ADGRL3: variants seen among roughly 807,000 people sequenced by gnomAD.
The protein encoded by ADGRL3 is adhesion G protein-coupled receptor L3.
ADGRL3 carries 62 observed loss-of-function variants against 153.5 expected under a neutral mutation model. That is an observed-to-expected ratio of 0.40 (90% CI 0.33 to 0.50). The LOEUF is 0.50. Among genes scored for constraint, ADGRL3 ranks in the 20% least tolerant of loss-of-function variants. The probability of loss-of-function intolerance (pLI) is 0.47; values close to 1 mark genes in which losing one functional copy is unlikely to be tolerated. For missense variants in ADGRL3, 1,641 were observed against 1,859.4 expected (o/e 0.88, Z 2.16); for synonymous variants, 710 against 672.5 (o/e 1.06, Z -0.86).
chr4:61,709,367 A>G (rs1368672578), intron 6 of ADGRL3, among the ~76,000 whole-genome samples: 1 of 152,194 alleles, frequency 6.6e-6, no homozygotes, highest in Non-Finnish European at 1.5e-5. Context: ...TAGCAAAATT[A>G]TGAAATCTGT....
chr4:61,301,573 C>T (rs916461431), intron 1 of ADGRL3, among the ~76,000 whole-genome samples: 20 of 152,134 alleles, frequency 1.3e-4, no homozygotes, highest in African/African-American at 4.6e-4. Flanking sequence ...TGAGCAGCTG[C>T]CAATCTTGTG....
At chr4:61,390,325 TC>T (rs1232115950) in intron 2 of ADGRL3, among the ~76,000 whole-genome samples, 1 of 152,128 alleles carries the variant, frequency 6.6e-6, no homozygotes, top group Non-Finnish European at 1.5e-5. Flanking sequence ...TCTTAAAGTG[TC>T]CACAGCTGTG....
chr4:61,297,194 G>T (rs2094438220), intron 1 of ADGRL3, among the ~76,000 whole-genome samples: 1 of 152,084 alleles, frequency 6.6e-6, no homozygotes, highest in Non-Finnish European at 1.5e-5. Flanking sequence ...TTTACAACTG[G>T]TCTGTTTTTA....
intron 2 of ADGRL3, among the ~76,000 whole-genome samples, chr4:61,485,959 C>G (rs335290): frequency 6.6e-6 from 1 of 151,500 alleles, no homozygotes; most frequent in Non-Finnish European, 1.5e-5. Context: ...TTTTTTGTTT[C>G]CTTTGATGGA....
At chr4:61,577,372 A>T (rs1385450900) in intron 4 of ADGRL3, among the ~76,000 whole-genome samples, 15 of 152,096 alleles carry the variant, frequency 9.9e-5, no homozygotes, top group Admixed American at 9.8e-4. Context: ...ACCTCCATTC[A>T]TTCAAAACTT....
chr4:61,970,887 C>G (rs1404813536), intron 17 of ADGRL3, among the ~76,000 whole-genome samples: 3 of 152,098 alleles, frequency 2.0e-5, no homozygotes, highest in Admixed American at 2.0e-4. Flanking sequence ...GTCTGATGAC[C>G]TGGTTCTCAA....
At chr4:61,910,583 G>A (rs958656872) in intron 12 of ADGRL3, among the ~76,000 whole-genome samples, 1 of 151,614 alleles carries the variant, frequency 6.6e-6, no homozygotes, top group African/African-American at 2.4e-5. Flanking sequence ...AATGACATGG[G>A]TTCCCTGACT....
At chr4:62,054,260 A>C (rs1735825137) in intron 25 of ADGRL3, among the ~76,000 whole-genome samples, 2 of 151,702 alleles carry the variant, frequency 1.3e-5, no homozygotes, top group Non-Finnish European at 3.0e-5. Flanking sequence ...AAGAACACAG[A>C]AATACATGGC....
At chr4:61,757,848 A>G (rs2096856635) in intron 8 of ADGRL3, among the ~76,000 whole-genome samples, 1 of 152,186 alleles carries the variant, frequency 6.6e-6, no homozygotes, top group Non-Finnish European at 1.5e-5. Flanking sequence ...TTCAAAGAAC[A>G]TCTTTATTTC....
intron 2 of ADGRL3, among the ~76,000 whole-genome samples, chr4:61,480,423 G>C (rs1180250853): frequency 6.6e-6 from 1 of 151,948 alleles, no homozygotes; most frequent in Non-Finnish European, 1.5e-5. Context: ...TTCTATATCA[G>C]TTTGTTAATA....
At chr4:61,997,673 T>G (rs906536798) in intron 20 of ADGRL3, among the ~76,000 whole-genome samples, 9 of 152,174 alleles carry the variant, frequency 5.9e-5, no homozygotes, top group Admixed American at 3.9e-4. Flanking sequence ...TTTCCTTTAC[T>G]TTAGTCCTCA....
chr4:61,517,251 G>A, intron 3 of ADGRL3, 64 bp from the exon 4 acceptor site: 1 of 687,678 alleles, frequency 1.5e-6, no homozygotes, highest in South Asian at 1.5e-5. Flanking sequence ...GCCTCTACCA[G>A]GGCTCCCCTG....
chr4:61,805,480 G>C (rs977483834), intron 8 of ADGRL3, among the ~76,000 whole-genome samples: 11 of 152,092 alleles, frequency 7.2e-5, no homozygotes, highest in African/African-American at 2.7e-4. Flanking sequence ...TTTTACTCTT[G>C]TTGTTAGCTT....
intron 2 of ADGRL3, among the ~76,000 whole-genome samples, chr4:61,419,800 T>C (rs575329739): frequency 8.6e-5 from 13 of 151,948 alleles, no homozygotes; most frequent in Non-Finnish European, 1.6e-4. Context: ...ATTTAGATTT[T>C]TTTTTTTTTT....
At chr4:61,459,678 G>T (rs1439681214) in intron 2 of ADGRL3, among the ~76,000 whole-genome samples, 1 of 152,026 alleles carries the variant, frequency 6.6e-6, no homozygotes, top group Non-Finnish European at 1.5e-5. Flanking sequence ...CACTAACAGT[G>T]TATGAGTTTC....
chr4:61,213,713 TTAAG>T (rs1489688825), intron 1 of ADGRL3, among the ~76,000 whole-genome samples: 1 of 152,180 alleles, frequency 6.6e-6, no homozygotes, highest in Non-Finnish European at 1.5e-5. Flanking sequence ...TTTGAAAGCA[TTAAG>T]TATCATAAAA....
intron 2 of ADGRL3, among the ~76,000 whole-genome samples, chr4:61,391,943 T>C (rs974525417): frequency 1.4e-5 from 2 of 139,474 alleles, no homozygotes; most frequent in African/African-American, 5.3e-5. Context: ...CACTGCAAGC[T>C]CCGCCTCCCA....
intron 8 of ADGRL3, among the ~76,000 whole-genome samples, chr4:61,796,132 A>G (rs569115041): frequency 3.5e-4 from 54 of 152,144 alleles, no homozygotes; most frequent in Non-Finnish European, 5.4e-4. Context: ...TGAGCCACCC[A>G]TATCCTACTT....
chr4:61,781,180 G>A (rs1398497077), intron 8 of ADGRL3, among the ~76,000 whole-genome samples: 3 of 151,842 alleles, frequency 2.0e-5, no homozygotes, highest in Non-Finnish European at 2.9e-5. Flanking sequence ...TACAAAATTA[G>A]CCAGGCACAG....
Sources: allele counts gnomAD v4.1 joint callset (sites outside exome capture counted in the v4.1 genomes callset), GRCh38; gene constraint gnomAD v4.1.1; transcripts MANE v1.5; gene names NCBI Gene and HGNC (gene_info 2026-07-23, HGNC 2026-07-21).